The following CAPN1 variants were observed in gnomAD, a reference collection of about 807,000 sequenced individuals.
CAPN1 encodes the protein calpain-1 catalytic subunit.
Under a neutral mutation model 105.2 loss-of-function variants are expected in CAPN1, and 77 were observed. The observed-to-expected ratio is 0.73, with a 90% confidence interval of 0.61 to 0.88. CAPN1 has a LOEUF of 0.88. CAPN1 is among the 40% of genes least tolerant of loss of function. The pLI, the probability that CAPN1 is intolerant of heterozygous loss-of-function variation, is 0.00. For missense variants in CAPN1, 833 were observed against 976.6 expected (o/e 0.85, Z 1.96); for synonymous variants, 355 against 388.8 (o/e 0.91, Z 1.02).
At position 65,210,201 on chromosome 11, in the gene CAPN1, C is replaced by A; in HGVS notation, c.1942+105C>A. 2 of 1,172,616 alleles carry A rather than the reference C, an allele frequency of 1.7e-6. No homozygotes were observed. Among genetic ancestry groups the A allele is most frequent in the Non-Finnish European group, 1.3e-6 (1 of 787,866 alleles). 72.6% of individuals were successfully genotyped at this position (1,172,616 alleles called of 1,614,324 possible). A position where few individuals can be genotyped will look rare whatever the true frequency, so the allele number is the denominator to read the frequency against. ...TGGGGTGCTAGTGGTGACATGGTAA[C>A]AGCCATCTTGTCCTTTTCCCCACGG... is the stretch of plus-strand genomic sequence containing the variant. On this transcript the variant is annotated intron_variant, in intron 19 of 21. Coordinates refer to ENST00000279247, the MANE Select transcript of CAPN1 (RefSeq NM_005186.4). The surrounding 1 kb of genome is among the most constrained non-coding windows in gnomAD (Gnocchi z 4.3).
At chr11:65,185,855 A>T in intron 4 of CAPN1, 62 bp from the exon 5 acceptor site, 2 of 1,521,976 alleles carry the variant, frequency 1.3e-6, no homozygotes, top group Non-Finnish European at 1.8e-6. Flanking sequence ...AGGTAGGGGT[A>T]AGGATGGAGC....
intron 21 of CAPN1, 42 bp from the exon 22 acceptor site, chr11:65,211,218 G>C: frequency 6.2e-7 from 1 of 1,610,124 alleles, no homozygotes; most frequent in Non-Finnish European, 8.5e-7. Context: ...AAGCCAGGGA[G>C]CCATTTCTGC....
intron 10 of CAPN1, among the ~76,000 whole-genome samples, chr11:65,190,800 C>T (rs1948709903): frequency 6.6e-6 from 1 of 151,868 alleles, no homozygotes; most frequent in South Asian, 2.1e-4. Context: ...GCAACCTCTG[C>T]CTCCTGGGTT....
chr11:65,206,123 G>A, intron 12 of CAPN1: 2 of 517,424 alleles, frequency 3.9e-6, no homozygotes, highest in South Asian at 2.4e-5. Flanking sequence ...TAAAATGGGT[G>A]TAACAGCAGA....
At chr11:65,204,281 C>T (rs186089285) in intron 10 of CAPN1, among the ~76,000 whole-genome samples, 11 of 152,304 alleles carry the variant, frequency 7.2e-5, no homozygotes, top group Admixed American at 7.2e-4. Flanking sequence ...CTAGAGCCTC[C>T]GTAAGTGCTC....
chr11:65,188,389 C>T lies in CAPN1; in HGVS notation c.930-25C>T. On this transcript the variant is annotated intron_variant, in intron 8 of 21. Coordinates refer to ENST00000279247, the MANE Select transcript of CAPN1 (RefSeq NM_005186.4). This position sits in a 1 kb window ranked among gnomAD's most constrained non-coding sequence, Gnocchi z 5.5. ...GCCAGGCAGGTCAGTGCCCACCAGC[C>T]CTGGCAGAGCCCTGCTCCTCACAGC... 6.3e-7 allele frequency: 1 copy of T among 1,595,354 alleles called. No individual in the cohort carries two copies. The highest frequency in any genetic ancestry group is 8.5e-7 in the Non-Finnish European group (1 of 1,169,874).
In CAPN1 at chr11:65,188,572, A is replaced by C. The variant is rs1590851707; in HGVS notation, c.1005-14A>C. ...CTGACGGGCTGTGCCTCACCTGTGT[A>C]CCTCCCACCTCAGGATGTCATTCCG... On this transcript the variant is annotated splice_polypyrimidine_tract_variant and intron_variant, in intron 9 of 21. Coordinates refer to ENST00000279247, the MANE Select transcript of CAPN1 (RefSeq NM_005186.4). This position sits in a 1 kb window ranked among gnomAD's most constrained non-coding sequence, Gnocchi z 5.5. The C allele has an allele frequency of 6.2e-7, 1 of 1,613,392 alleles. No individual in the cohort carries two copies. Among genetic ancestry groups the C allele is most frequent in the South Asian group, 1.1e-5 (1 of 91,058 alleles).
At chr11:65,190,901 C>T (rs372533598) in intron 10 of CAPN1, among the ~76,000 whole-genome samples, 5 of 151,976 alleles carry the variant, frequency 3.3e-5, no homozygotes, top group African/African-American at 7.2e-5. Flanking sequence ...TTAGTAGAGA[C>T]GGGGTTTCAC....
At chr11:65,200,588 C>A (rs373075744) in intron 10 of CAPN1, among the ~76,000 whole-genome samples, 11 of 152,118 alleles carry the variant, frequency 7.2e-5, no homozygotes, top group Admixed American at 3.9e-4. Flanking sequence ...CGTGATCCAC[C>A]CACCTTGGTC....
intron 10 of CAPN1, among the ~76,000 whole-genome samples, chr11:65,189,850 C>T (rs1228261135): frequency 2.6e-5 from 4 of 152,134 alleles, no homozygotes; most frequent in Admixed American, 2.6e-4. Context: ...GTAACATTTC[C>T]ACTCTCACCT....
chr11:65,196,602 T>G (rs985408398), intron 10 of CAPN1, among the ~76,000 whole-genome samples: 2 of 152,186 alleles, frequency 1.3e-5, no homozygotes, highest in South Asian at 2.1e-4. Flanking sequence ...TAACTGCCTT[T>G]TCTAGTTTCT....
At position 65,206,816 on chromosome 11, in the gene CAPN1, T is replaced by G. The variant is rs759673293; in HGVS notation, c.1602T>G (p.Asp534Glu). The G allele has an allele frequency of 6.2e-7, 1 of 1,611,876 alleles. No individual in the cohort carries two copies. The highest frequency in any genetic ancestry group is 2.2e-5 in the East Asian group (1 of 44,770). ...ACCAGATCCAGGCCAATCTCCCCGA[T>G]GAGGTGCGTGGTCCCACCCCACCAG... ...LDDQIQANLP[D>E]EQVLSEEEID... Residue 534 changes from aspartate to glutamate, a missense_variant, in exon 14 of 22, where the codon GAT becomes GAG. Asp to Glu is a conservative substitution (Grantham distance 45). Transcript: ENST00000279247.
chr11:65,211,184 G>A, intron 21 of CAPN1, 76 bp from the exon 22 acceptor site: 1 of 1,541,012 alleles, frequency 6.5e-7, no homozygotes, highest in Non-Finnish European at 8.9e-7. Context: ...GTTGGGGGCT[G>A]GACCTGGGGT....
At position 65,209,692 on chromosome 11, in the gene CAPN1, G is replaced by A; in HGVS notation, c.1795-157G>A. 2 of 743,142 alleles carry A rather than the reference G, an allele frequency of 2.7e-6. No individual in the cohort carries two copies. Among genetic ancestry groups the A allele is most frequent in the South Asian group, 3.5e-5 (2 of 57,610 alleles). The allele number at this position is 743,142 out of a possible 1,614,324, so 46.0% of individuals were successfully genotyped here. On this transcript the variant is annotated intron_variant, in intron 17 of 21. Transcript: ENST00000279247. The surrounding 1 kb of genome is among the most constrained non-coding windows in gnomAD (Gnocchi z 4.1). Reference sequence around the variant, plus strand: ...CAGCCCAGCTCAGAGAATAAGGCAAGCCCGGCTGTGGGCTGACTGTACATG... The same window carrying A: ...CAGCCCAGCTCAGAGAATAAGGCAAACCCGGCTGTGGGCTGACTGTACATG...
At chr11:65,190,695 T>G (rs1209824698) in intron 10 of CAPN1, among the ~76,000 whole-genome samples, 1 of 151,094 alleles carries the variant, frequency 6.6e-6, no homozygotes, top group Non-Finnish European at 1.5e-5. Flanking sequence ...CTGTTTTTTT[T>G]GTTGTTGGTT....
chr11:65,206,836 C>T lies in CAPN1; in HGVS notation c.1605+17C>T, dbSNP rs1948968883. On this transcript the variant is annotated intron_variant, in intron 14 of 21. Coordinates refer to ENST00000279247, the MANE Select transcript of CAPN1 (RefSeq NM_005186.4). ...CCCGATGAGGTGCGTGGTCCCACCC[C>T]ACCAGGCCCCGTCCTCCTCTCTTCC... is the stretch of plus-strand genomic sequence containing the variant. 6.2e-7 allele frequency: 1 copy of T among 1,607,318 alleles called. No individual in the cohort carries two copies. The highest frequency in any genetic ancestry group is 1.1e-5 in the South Asian group (1 of 89,834).
At chr11:65,183,290 C>A in intron 3 of CAPN1, 93 bp downstream of exon 3, 1 of 1,292,464 alleles carries the variant, frequency 7.7e-7, no homozygotes, top group Non-Finnish European at 1.1e-6. Flanking sequence ...CTCCCTCTTG[C>A]AAGCCCAGGC....
intron 1 of CAPN1, chr11:65,182,241 T>C: frequency 1.2e-5 from 1 of 81,174 alleles, no homozygotes. Context: ...TGCGGGGGCC[T>C]GAGGAGGGGG....
At chr11:65,186,082 T>C in intron 5 of CAPN1, 32 bp downstream of exon 5, 2 of 1,609,206 alleles carry the variant, frequency 1.2e-6, no homozygotes, top group East Asian at 2.2e-5. Context: ...AACTCCAGCT[T>C]CCAGCTCCCC....
Sources: allele counts gnomAD v4.1 joint callset (sites outside exome capture counted in the v4.1 genomes callset), GRCh38; gene constraint gnomAD v4.1.1; non-coding constraint Gnocchi (gnomAD v3.1); transcripts MANE v1.5; gene names NCBI Gene and HGNC (gene_info 2026-07-23, HGNC 2026-07-21).